Variants in SPHKAP observed in about 807,000 individuals in gnomAD.
The protein encoded by SPHKAP is SPHK1 interactor, AKAP domain containing, also known as A-kinase anchor protein SPHKAP.
A neutral mutation model predicts 137.5 loss-of-function variants in SPHKAP; 67 were observed. That is an observed-to-expected ratio of 0.49 (90% CI 0.40 to 0.60). The LOEUF (loss-of-function observed/expected upper bound fraction) is 0.60. Among genes scored for constraint, SPHKAP ranks in the 20% least tolerant of loss-of-function variants. The pLI is 0.00. For synonymous variants in SPHKAP, 813 were observed against 785.3 expected (o/e 1.04, Z -0.59); for missense variants, 2,097 against 2,069.3 (o/e 1.01, Z -0.26).
At chr2:228,124,215 C>T (rs1056364522) in intron 2 of SPHKAP, among the ~76,000 whole-genome samples, 2 of 152,192 alleles carry the variant, frequency 1.3e-5, no homozygotes, top group African/African-American at 4.8e-5. Context: ...ACTATTTGAC[C>T]CAGCCATCCC....
intron 2 of SPHKAP, among the ~76,000 whole-genome samples, chr2:228,112,762 C>T (rs1698557950): frequency 6.6e-6 from 1 of 152,110 alleles, no homozygotes; most frequent in Admixed American, 6.6e-5. Context: ...GATTAATCTG[C>T]CGAGTCCTCA....
chr2:227,990,982 A>T lies in SPHKAP; in HGVS notation c.4959+18T>A. ...AAAACACAAAGCTTTCTTGTTTTCC[A>T]AACCTGGTACATGATACCTTTTCAA... is the stretch of plus-strand genomic sequence containing the variant. On this transcript the variant is annotated intron_variant, in intron 11 of 11. Transcript: ENST00000392056. The T allele has an allele frequency of 2.5e-6, 4 of 1,610,346 alleles. No individual in the cohort carries two copies. Among genetic ancestry groups the T allele is most frequent in the Non-Finnish European group, 3.4e-6 (4 of 1,177,260 alleles).
chr2:228,144,973 G>A (rs1574892071), intron 1 of SPHKAP, among the ~76,000 whole-genome samples: 1 of 152,278 alleles, frequency 6.6e-6, no homozygotes, highest in Admixed American at 6.5e-5. Flanking sequence ...CCTTTATCAC[G>A]GATAATTGTT....
intron 3 of SPHKAP, among the ~76,000 whole-genome samples, chr2:228,100,258 A>G (rs1030288723): frequency 6.6e-6 from 1 of 152,206 alleles, no homozygotes; most frequent in African/African-American, 2.4e-5. Context: ...TTTTCTAGGT[A>G]TAGAATCATA....
Position 228,018,911 on chromosome 2 carries a change from A to G in SPHKAP, c.1943T>C (p.Met648Thr). ...GGTCTGAGACTTTGAAGCAGTTTCCATGATTCTCCTGTTCATGGAGTCCAG... is the reference window on the plus strand; with the variant it reads ...GGTCTGAGACTTTGAAGCAGTTTCCGTGATTCTCCTGTTCATGGAGTCCAG... ...DFLDSMNRRI[M>T]ETASKSQTLC... Residue 648 changes from methionine to threonine, a missense_variant, in exon 7 of 12, where the codon ATG becomes ACG. Met to Thr is a moderately conservative substitution (Grantham distance 81). Transcript: ENST00000392056. 1.2e-6 allele frequency: 2 copies of G among 1,614,160 alleles called. No individual in the cohort carries two copies. Among genetic ancestry groups the G allele is most frequent in the East Asian group, 2.2e-5 (1 of 44,872 alleles).
At chr2:227,989,908 C>T (rs1454492105) in intron 11 of SPHKAP, among the ~76,000 whole-genome samples, 1 of 152,116 alleles carries the variant, frequency 6.6e-6, no homozygotes, top group Non-Finnish European at 1.5e-5. Context: ...TGAGCCACTG[C>T]ACCTGGCCTA....
chr2:228,067,260 T>TGAGTCAATA (rs1263587411), intron 3 of SPHKAP, among the ~76,000 whole-genome samples: 2 of 152,228 alleles, frequency 1.3e-5, no homozygotes, highest in African/African-American at 4.8e-5. Flanking sequence ...ATTGACTCTC[T>TGAGTCAATA]GATAACTGCT....
intron 1 of SPHKAP, among the ~76,000 whole-genome samples, chr2:228,171,384 C>T (rs1162878387): frequency 6.6e-6 from 1 of 152,088 alleles, no homozygotes; most frequent in African/African-American, 2.4e-5. Context: ...ATTCTAATAT[C>T]CCACATCCAA....
At chr2:228,037,621 C>T (rs1695673423) in intron 3 of SPHKAP, among the ~76,000 whole-genome samples, 1 of 151,406 alleles carries the variant, frequency 6.6e-6, no homozygotes, top group Non-Finnish European at 1.5e-5. Flanking sequence ...CTCAATTTCC[C>T]TTAAGCCAGA....
chr2:228,071,314 A>G (rs1696998258), intron 3 of SPHKAP, among the ~76,000 whole-genome samples: 1 of 152,182 alleles, frequency 6.6e-6, no homozygotes, highest in Non-Finnish European at 1.5e-5. Context: ...CTATATTAAA[A>G]ACCTGTTCAT....
intron 8 of SPHKAP, 81 bp from the exon 9 acceptor site, chr2:227,993,701 A>G (rs1434807023): frequency 2.4e-6 from 3 of 1,262,816 alleles, no homozygotes; most frequent in South Asian, 1.3e-5. Context: ...ATTGTTGTAC[A>G]AGCTCCTTCC....
chr2:228,169,538 C>T (rs1375994577), intron 1 of SPHKAP, among the ~76,000 whole-genome samples: 1 of 151,996 alleles, frequency 6.6e-6, no homozygotes, highest in Non-Finnish European at 1.5e-5. Context: ...TATTTTAAGC[C>T]CACTGAGACC....
At chr2:228,041,518 G>A (rs971751848) in intron 3 of SPHKAP, among the ~76,000 whole-genome samples, 1 of 151,770 alleles carries the variant, frequency 6.6e-6, no homozygotes, top group Non-Finnish European at 1.5e-5. Context: ...GGTGGTGCGT[G>A]CCTGTAGTCC....
At chr2:228,164,160 C>T (rs1342847583) in intron 1 of SPHKAP, among the ~76,000 whole-genome samples, 4 of 152,130 alleles carry the variant, frequency 2.6e-5, no homozygotes, top group African/African-American at 9.7e-5. Flanking sequence ...TTCCTTCTGC[C>T]CTTGGACATC....
chr2:228,016,037 T>G (rs1694574510), intron 7 of SPHKAP, among the ~76,000 whole-genome samples: 1 of 152,188 alleles, frequency 6.6e-6, no homozygotes, highest in East Asian at 1.9e-4. Context: ...CGTAGGAGAT[T>G]AATTTTAATG....
intron 3 of SPHKAP, among the ~76,000 whole-genome samples, chr2:228,041,304 AG>A (rs1011845746): frequency 6.6e-6 from 1 of 152,110 alleles, no homozygotes; most frequent in Non-Finnish European, 1.5e-5. Context: ...TTTACCTCCA[AG>A]GGCTCTTAGG....
intron 1 of SPHKAP, among the ~76,000 whole-genome samples, chr2:228,180,442 C>T (rs1049529349): frequency 6.6e-6 from 1 of 152,136 alleles, no homozygotes; most frequent in African/African-American, 2.4e-5. Context: ...CCATGTGTGC[C>T]CTGGCCAGTG....
At position 228,021,886 on chromosome 2, in the gene SPHKAP, T is replaced by A; in HGVS notation, c.522A>T (p.Glu174Asp). 6.2e-7 allele frequency: 1 copy of A among 1,614,120 alleles called. No individual in the cohort carries two copies. The highest frequency in any genetic ancestry group is 8.5e-7 in the Non-Finnish European group (1 of 1,179,980). Reference sequence around the variant, plus strand: ...CCAGACCAATCAGAAATTTGTTGATTTCAAAGATGATGCAGTTGGTACTGT... The same window carrying A: ...CCAGACCAATCAGAAATTTGTTGATATCAAAGATGATGCAGTTGGTACTGT... ...RPNSTNCIIF[E>D]INKFLIGLEL... The change falls in exon 6 of 12, where the codon GAA becomes GAT. Residue 174 changes from glutamate to aspartate, a missense_variant. Transcript: ENST00000392056.
intron 3 of SPHKAP, among the ~76,000 whole-genome samples, chr2:228,034,018 A>T (rs10198352): frequency 4.6e-5 from 7 of 152,006 alleles, no homozygotes; most frequent in Admixed American, 2.6e-4. Flanking sequence ...AAGGCAAGAA[A>T]TAACTACAAT....
Sources: gnomAD v4.1 joint callset for allele counts (sites outside exome capture counted in the v4.1 genomes callset) on GRCh38, gnomAD v4.1.1 for gene constraint, MANE v1.5 for transcripts, NCBI Gene and HGNC (gene_info 2026-07-23, HGNC 2026-07-21) for gene names.